The following CDH12 variants were observed in gnomAD, a reference collection of about 807,000 sequenced individuals.
CDH12 encodes cadherin-12.
Under a neutral mutation model 74.1 loss-of-function variants are expected in CDH12, and 41 were observed. The ratio of observed to expected loss-of-function variants is 0.55; its 90% CI spans 0.43 to 0.72. The LOEUF (loss-of-function observed/expected upper bound fraction) is 0.72. CDH12 is among the 30% of genes least tolerant of loss of function. The pLI is 0.00. For synonymous variants in CDH12, 399 were observed against 355.0 expected (o/e 1.12, Z -1.39); for missense variants, 945 against 977.2 (o/e 0.97, Z 0.44).
intron 3 of CDH12, among the ~76,000 whole-genome samples, chr5:22,279,608 C>T (rs1205937414): frequency 3.3e-5 from 5 of 152,052 alleles, no homozygotes; most frequent in Admixed American, 6.5e-5. Flanking sequence ...TTCCCACCTA[C>T]GAGTGAGAAC....
intron 1 of CDH12, among the ~76,000 whole-genome samples, chr5:22,523,746 T>C (rs895773005): frequency 6.6e-6 from 1 of 152,106 alleles, no homozygotes; most frequent in Admixed American, 6.5e-5. Flanking sequence ...TCAAACATTG[T>C]TAACGCCTTC....
chr5:22,101,096 C>T (rs148754373), intron 4 of CDH12, among the ~76,000 whole-genome samples: 12 of 151,696 alleles, frequency 7.9e-5, no homozygotes, highest in Middle Eastern at 3.4e-3. Context: ...GCAAATGTGA[C>T]GCACCAAGAA....
At chr5:21,987,089 TC>T (rs1392259984) in intron 5 of CDH12, among the ~76,000 whole-genome samples, 2 of 152,154 alleles carry the variant, frequency 1.3e-5, no homozygotes, top group Non-Finnish European at 2.9e-5. Flanking sequence ...CTAATTTCTT[TC>T]TGTTAGTCTT....
chr5:22,660,921 T>A (rs2126897712), intron 1 of CDH12, among the ~76,000 whole-genome samples: 1 of 152,298 alleles, frequency 6.6e-6, no homozygotes, highest in East Asian at 1.9e-4. Context: ...AACACTTTGC[T>A]TTTTCAGGGT....
chr5:21,941,762 A>G (rs933072207), intron 6 of CDH12, among the ~76,000 whole-genome samples: 1 of 152,162 alleles, frequency 6.6e-6, no homozygotes, highest in Non-Finnish European at 1.5e-5. Flanking sequence ...TCAGAATACA[A>G]TATGTACCCA....
At chr5:22,308,887 A>T (rs1278043615) in intron 3 of CDH12, among the ~76,000 whole-genome samples, 1 of 40,308 alleles carries the variant, frequency 2.5e-5, no homozygotes, top group Non-Finnish European at 6.5e-5. Flanking sequence ...AGAGAGAAAG[A>T]GAGAGAGAGA....
chr5:21,990,445 A>C (rs1041767614), intron 5 of CDH12, among the ~76,000 whole-genome samples: 1 of 152,056 alleles, frequency 6.6e-6, no homozygotes, highest in African/African-American at 2.4e-5. Flanking sequence ...CATACCTCAG[A>C]GTCTTCATAT....
intron 3 of CDH12, among the ~76,000 whole-genome samples, chr5:22,349,597 C>T (rs1175453445): frequency 6.6e-6 from 1 of 152,122 alleles, no homozygotes; most frequent in East Asian, 1.9e-4. Flanking sequence ...CAATACATTC[C>T]TGTATTCTTT....
intron 1 of CDH12, among the ~76,000 whole-genome samples, chr5:22,730,405 T>C (rs562284775): frequency 2.5e-4 from 38 of 151,902 alleles, no homozygotes; most frequent in Admixed American, 3.3e-4. Flanking sequence ...AAAAATACTT[T>C]CAAAAAATAT....
intron 1 of CDH12, among the ~76,000 whole-genome samples, chr5:22,667,911 A>G (rs1014527062): frequency 8.5e-5 from 13 of 152,332 alleles, no homozygotes; most frequent in East Asian, 1.9e-4. Context: ...ATTGGAAATA[A>G]ATGTGCTTAA....
chr5:22,328,550 C>T (rs573871040), intron 3 of CDH12, among the ~76,000 whole-genome samples: 18 of 152,078 alleles, frequency 1.2e-4, no homozygotes, highest in South Asian at 2.1e-4. Flanking sequence ...TTTCTTCAGG[C>T]GGTATTTTTA....
rs114669260 is a variant in CDH12 at position 22,022,300 on chromosome 5, A to T, written c.232-46915T>A. Among the ~76,000 whole-genome samples the T allele has an allele frequency of 3.5e-3, 527 of 152,176 alleles. 1 individual carries two copies. The highest frequency in any genetic ancestry group is 0.012 in the African/African-American group (512 of 41,518). On this transcript the variant is annotated intron_variant, in intron 5 of 14. Coordinates refer to ENST00000382254, the MANE Select transcript of CDH12 (RefSeq NM_004061.5). ...GTTTTCCCCATGTACTTTTCATGAT[A>T]CTGACTCATGAGATCTGGTTGTTTA...
At chr5:22,557,148 C>A (rs1391090962) in intron 1 of CDH12, among the ~76,000 whole-genome samples, 1 of 152,008 alleles carries the variant, frequency 6.6e-6, no homozygotes, top group Non-Finnish European at 1.5e-5. Flanking sequence ...TATAATTTTT[C>A]TTTGACAGCA....
intron 1 of CDH12, among the ~76,000 whole-genome samples, chr5:22,554,429 C>T (rs150588050): frequency 6.6e-6 from 1 of 152,078 alleles, no homozygotes; most frequent in East Asian, 1.9e-4. Context: ...TGAGAAATGT[C>T]TGTATCTTCT....
intron 1 of CDH12, among the ~76,000 whole-genome samples, chr5:22,700,451 A>G (rs553393482): frequency 2.6e-5 from 4 of 152,286 alleles, no homozygotes; most frequent in Admixed American, 2.6e-4. Flanking sequence ...ATAAGGCCTG[A>G]TGTATTACTT....
chr5:22,403,501 A>G (rs1052912220), intron 3 of CDH12, among the ~76,000 whole-genome samples: 2 of 152,214 alleles, frequency 1.3e-5, no homozygotes, highest in African/African-American at 4.8e-5. Flanking sequence ...ATTCCTATCA[A>G]TGTTCTCCAG....
chr5:21,918,819 T>C (rs1332913889), intron 6 of CDH12, among the ~76,000 whole-genome samples: 2 of 152,186 alleles, frequency 1.3e-5, no homozygotes, highest in Non-Finnish European at 2.9e-5. Context: ...TATTGTCATA[T>C]ATCTAAATTC....
At chr5:22,777,381 A>G (rs1009844167) in intron 1 of CDH12, among the ~76,000 whole-genome samples, 2 of 152,150 alleles carry the variant, frequency 1.3e-5, no homozygotes, top group African/African-American at 2.4e-5. Flanking sequence ...TAGGATAGAC[A>G]TAATTTTTCT....
At chr5:22,823,033 C>A (rs1443630081) in intron 1 of CDH12, among the ~76,000 whole-genome samples, 3 of 152,112 alleles carry the variant, frequency 2.0e-5, no homozygotes, top group Non-Finnish European at 4.4e-5. Context: ...CACATATACA[C>A]AATGGAATAC....
Sources: gnomAD v4.1 joint callset for allele counts (sites outside exome capture counted in the v4.1 genomes callset) on GRCh38, gnomAD v4.1.1 for gene constraint, MANE v1.5 for transcripts, NCBI Gene and HGNC (gene_info 2026-07-23, HGNC 2026-07-21) for gene names.